PCDHGB6: variants seen among roughly 807,000 people sequenced by gnomAD.
PCDHGB6 encodes the protein protocadherin gamma subfamily B, 6.
In PCDHGB6, 51 loss-of-function variants were observed where a neutral mutation model predicts 59.1. The observed-to-expected ratio is 0.86, with a 90% confidence interval of 0.69 to 1.09. PCDHGB6 has a LOEUF of 1.09. Ranked by LOEUF, PCDHGB6 falls within the 50% of genes least tolerant of loss-of-function variation. The pLI is 0.00. For synonymous variants in PCDHGB6, 466 were observed against 495.1 expected (o/e 0.94, Z 0.78); for missense variants, 1,148 against 1,205.1 (o/e 0.95, Z 0.70).
intron 1 of PCDHGB6, among the ~76,000 whole-genome samples, chr5:141,425,103 A>G (rs894147422): frequency 1.3e-5 from 2 of 152,202 alleles, no homozygotes; most frequent in Non-Finnish European, 2.9e-5. Flanking sequence ...CTTCCAACAG[A>G]TGCCTACATT....
At chr5:141,430,907 A>G (rs776543955) in intron 1 of PCDHGB6, 1 of 1,606,916 alleles carries the variant, frequency 6.2e-7, no homozygotes, top group Non-Finnish European at 8.5e-7. Flanking sequence ...CGACATCTCC[A>G]GGGACCTGGG....
Position 141,501,335 on chromosome 5 carries a change from C to A in PCDHGB6, c.2478-4058C>A, listed in dbSNP as rs977626682. 1.5e-4 allele frequency among the ~76,000 whole-genome samples: 20 copies of A among 135,718 alleles called. No individual in the cohort carries two copies. In the East Asian group the frequency reaches 2.2e-3, roughly 15 times the overall value. The allele number at this position is 135,718 out of a possible 152,430, so 89.0% of individuals were successfully genotyped here. The stretch of plus-strand genomic sequence containing the variant: ...CACACACACACACACACACACACAC[C>A]CCAAACTCAATAGGGCAAGAACCAT... On this transcript the variant is annotated intron_variant, in intron 2 of 3. Transcript: ENST00000520790.
chr5:141,438,386 T>C (rs757664430), intron 1 of PCDHGB6, among the ~76,000 whole-genome samples: 1 of 151,778 alleles, frequency 6.6e-6, no homozygotes, highest in Admixed American at 6.6e-5. Flanking sequence ...AATTTCTTAG[T>C]TCATCATTAA....
In PCDHGB6 at chr5:141,435,388, G is replaced by T. The variant is rs186494703; in HGVS notation, c.2418+24768G>T. Among the ~76,000 whole-genome samples, 241 of 152,094 alleles carry T rather than the reference G, an allele frequency of 1.6e-3. 5 individuals carry two copies. Among genetic ancestry groups the T allele is most frequent in the Non-Finnish European group, 2.1e-4 (14 of 67,992 alleles). The stretch of plus-strand genomic sequence containing the variant: ...ACTTAAATATACAATATACCGTATT[G>T]CCATGACGAAAAATGGTAAAGACTA... On this transcript the variant is annotated intron_variant, in intron 1 of 3. Transcript: ENST00000520790.
In PCDHGB6 at chr5:141,432,167, T is replaced by G. The variant is rs559707772; in HGVS notation, c.2418+21547T>G. The G allele has an allele frequency of 1.4e-5, 22 of 1,613,962 alleles. No homozygotes were observed. The highest frequency in any genetic ancestry group is 9.3e-5 in the African/African-American group (7 of 74,972). On this transcript the variant is annotated intron_variant, in intron 1 of 3. Coordinates refer to ENST00000520790, the MANE Select transcript of PCDHGB6 (RefSeq NM_018926.3). The surrounding 1 kb of genome is among the most constrained non-coding windows in gnomAD (Gnocchi z 6.0). Reference sequence around the variant, plus strand: ...CCCAGAGAACAATCCCAGAGGAGTTTCCCTCGTCTCTGTGACCGCCCACGA... The same window carrying G: ...CCCAGAGAACAATCCCAGAGGAGTTGCCCTCGTCTCTGTGACCGCCCACGA...
intron 1 of PCDHGB6, among the ~76,000 whole-genome samples, chr5:141,446,193 T>C (rs1402824950): frequency 6.6e-6 from 1 of 152,208 alleles, no homozygotes; most frequent in East Asian, 1.9e-4. Flanking sequence ...TTTATTATTA[T>C]ATTCCTAGGT....
rs1286991812 is a variant in PCDHGB6 at position 141,432,170 on chromosome 5, C to T, written c.2418+21550C>T. The T allele has an allele frequency of 1.2e-6, 2 of 1,614,072 alleles. No homozygotes were observed. The highest frequency in any genetic ancestry group is 1.7e-6 in the Non-Finnish European group (2 of 1,180,036). ...AGAGAACAATCCCAGAGGAGTTTCC[C>T]TCGTCTCTGTGACCGCCCACGACCC... On this transcript the variant is annotated intron_variant, in intron 1 of 3. Coordinates refer to ENST00000520790, the MANE Select transcript of PCDHGB6 (RefSeq NM_018926.3). This position sits in a 1 kb window ranked among gnomAD's most constrained non-coding sequence, Gnocchi z 6.0.
At chr5:141,410,787 T>C in intron 1 of PCDHGB6, 167 bp downstream of exon 1, 2 of 844,672 alleles carry the variant, frequency 2.4e-6, no homozygotes, top group South Asian at 4.4e-5. Flanking sequence ...TGTATTTGGT[T>C]CATAAGTTGC....
intron 1 of PCDHGB6, among the ~76,000 whole-genome samples, chr5:141,434,746 C>T (rs1591345130): frequency 6.6e-6 from 1 of 151,796 alleles, no homozygotes; most frequent in South Asian, 2.1e-4. Context: ...GGCTATGAGA[C>T]CCCTGATTCC....
chr5:141,510,526 A>T (rs1164238062), intron 3 of PCDHGB6, among the ~76,000 whole-genome samples: 1 of 152,156 alleles, frequency 6.6e-6, no homozygotes, highest in East Asian at 1.9e-4. Flanking sequence ...CAGCCCTGAG[A>T]GAAATACCAG....
intron 1 of PCDHGB6, among the ~76,000 whole-genome samples, chr5:141,457,904 T>C (rs960822555): frequency 6.0e-5 from 9 of 150,288 alleles, no homozygotes; most frequent in African/African-American, 2.2e-4. Context: ...GTAGACAAGG[T>C]GTGAGGCCAG....
intron 1 of PCDHGB6, among the ~76,000 whole-genome samples, chr5:141,473,831 A>G (rs950283433): frequency 1.3e-5 from 2 of 152,252 alleles, no homozygotes; most frequent in African/African-American, 4.8e-5. Context: ...GTGTGATCCA[A>G]TTAAAATTTT....
chr5:141,433,587 G>A (rs1228017153), intron 1 of PCDHGB6, among the ~76,000 whole-genome samples: 1 of 152,068 alleles, frequency 6.6e-6, no homozygotes, highest in African/African-American at 2.4e-5. Flanking sequence ...TGTAATCCCA[G>A]TACTTTGGGA....
chr5:141,491,208 C>G lies in PCDHGB6; in HGVS notation c.2419-3599C>G. 6.2e-7 allele frequency: 1 copy of G among 1,614,204 alleles called. No individual in the cohort carries two copies. Among genetic ancestry groups the G allele is most frequent in the Non-Finnish European group, 8.5e-7 (1 of 1,180,026 alleles). ...TGAGGGACAATGGTGACCCTTCACTCTCCTCCACAGCCACAGTGCTGCTGG... is the reference window on the plus strand; with the variant it reads ...TGAGGGACAATGGTGACCCTTCACTGTCCTCCACAGCCACAGTGCTGCTGG... On this transcript the variant is annotated intron_variant, in intron 1 of 3. Coordinates refer to ENST00000520790, the MANE Select transcript of PCDHGB6 (RefSeq NM_018926.3). This position sits in a 1 kb window ranked among gnomAD's most constrained non-coding sequence, Gnocchi z 6.9.
rs147057088 is a variant in PCDHGB6 at position 141,432,065 on chromosome 5, A to C, written c.2418+21445A>C. 6.2e-7 allele frequency: 1 copy of C among 1,613,930 alleles called. No individual in the cohort carries two copies. Among genetic ancestry groups the C allele is most frequent in the Non-Finnish European group, 8.5e-7 (1 of 1,180,014 alleles). On this transcript the variant is annotated intron_variant, in intron 1 of 3. Coordinates refer to ENST00000520790, the MANE Select transcript of PCDHGB6 (RefSeq NM_018926.3). This position sits in a 1 kb window ranked among gnomAD's most constrained non-coding sequence, Gnocchi z 6.0. ...GGGAACCCCGCCCCTATCCACGGAA[A>C]CTCATATCTCGCTGAACGTGGCAGA...
At chr5:141,417,635 G>A in intron 1 of PCDHGB6, 1 of 724,902 alleles carries the variant, frequency 1.4e-6, no homozygotes, top group Non-Finnish European at 2.1e-6. Context: ...CTGACGCCGG[G>A]GATCCCTCAG....
At chr5:141,497,060 G>T (rs1244885752) in intron 2 of PCDHGB6, among the ~76,000 whole-genome samples, 1 of 151,952 alleles carries the variant, frequency 6.6e-6, no homozygotes, top group Non-Finnish European at 1.5e-5. Context: ...GTGGTGGCAG[G>T]CACCTGTAAT....
chr5:141,478,372 G>A (rs778468803), intron 1 of PCDHGB6: 2 of 1,613,704 alleles, frequency 1.2e-6, no homozygotes, highest in Non-Finnish European at 8.5e-7. Flanking sequence ...GAGGCCTGAT[G>A]TCGCCGCACC....
At chr5:141,413,234 T>C (rs2095618811) in intron 1 of PCDHGB6, 2 of 1,613,838 alleles carry the variant, frequency 1.2e-6, no homozygotes, top group Non-Finnish European at 1.7e-6. Context: ...CTGGTCCTGC[T>C]CTGCCTTTTC....
Sources: allele counts gnomAD v4.1 joint callset (sites outside exome capture counted in the v4.1 genomes callset), GRCh38; gene constraint gnomAD v4.1.1; non-coding constraint Gnocchi (gnomAD v3.1); transcripts MANE v1.5; gene names NCBI Gene and HGNC (gene_info 2026-07-23, HGNC 2026-07-21).